The following MYNN variants were observed in gnomAD, a reference collection of about 807,000 sequenced individuals.
The protein encoded by MYNN is zinc finger and BTB domain-containing protein 31.
Under a neutral mutation model 57.2 loss-of-function variants are expected in MYNN, and 22 were observed. The observed-to-expected ratio is 0.38, with a 90% CI of 0.27 to 0.55. The LOEUF (loss-of-function observed/expected upper bound fraction) is 0.55, where lower values mean the gene tolerates loss of function less well. Ranked by LOEUF, MYNN falls within the 20% of genes least tolerant of loss-of-function variation. MYNN has a pLI of 0.71. For synonymous variants in MYNN, 241 were observed against 257.1 expected (o/e 0.94, Z 0.60); for missense variants, 566 against 723.1 (o/e 0.78, Z 2.49).
intron 2 of MYNN, chr3:169,777,546 C>T (rs775452536): frequency 3.9e-5 from 6 of 151,934 alleles, no homozygotes; most frequent in Non-Finnish European, 7.4e-5. Flanking sequence ...TTAGTGTTAA[C>T]ACCAACTCAA....
intron 4 of MYNN, among the ~76,000 whole-genome samples, chr3:169,781,013 T>G (rs2108204797): frequency 6.6e-6 from 1 of 152,290 alleles, no homozygotes; most frequent in South Asian, 2.1e-4. Flanking sequence ...TCATTCTGAC[T>G]GGTATAGGAT....
rs375360988 is a variant in MYNN, at chr3:169,779,546, G to A, written c.1045G>A (p.Val349Ile). 2 of 1,613,876 alleles carry A rather than the reference G, an allele frequency of 1.2e-6. No homozygotes were observed. Among genetic ancestry groups the A allele is most frequent in the African/African-American group, 1.3e-5 (1 of 75,018 alleles). The change falls in exon 3 of 8, where the codon GTA becomes ATA. Residue 349 changes from valine (V) to isoleucine (I), a missense_variant. Coordinates refer to ENST00000349841, the MANE Select transcript of MYNN (RefSeq NM_018657.5). Reference sequence around the variant, plus strand: ...CCAATGTAACCAGCTGAAAACGCATGTAAGAACTCATACAGGTGAGACGGG... The same window carrying A: ...CCAATGTAACCAGCTGAAAACGCATATAAGAACTCATACAGGTGAGACGGG... ...FTQCNQLKTH[V>I]RTHTGEKPYK...
chr3:169,783,805 T>G (rs533117102), intron 6 of MYNN: 496 of 550,122 alleles, frequency 9.0e-4, no homozygotes, highest in Non-Finnish European at 1.4e-3. Context: ...ATCAATAGTT[T>G]TTAAATGATT....
chr3:169,774,269 A>G lies in MYNN; in HGVS notation c.-27A>G. 2 of 1,604,960 alleles carry G rather than the reference A, an allele frequency of 1.2e-6. No homozygotes were observed. Among genetic ancestry groups the G allele is most frequent in the Non-Finnish European group, 1.7e-6 (2 of 1,173,574 alleles). On this transcript the variant is annotated 5_prime_UTR_variant, in exon 2 of 8. Coordinates refer to ENST00000349841, the MANE Select transcript of MYNN (RefSeq NM_018657.5). ...CTGTTTCTTTTTGTCTTTTAGATCA[A>G]GGGTAAAATTCCATTCTGATATCAA...
intron 2 of MYNN, 64 bp from the exon 3 acceptor site, chr3:169,778,704 G>A: frequency 7.7e-7 from 1 of 1,293,422 alleles, no homozygotes; most frequent in African/African-American, 1.5e-5. Flanking sequence ...AAGTATATAT[G>A]CAGCTCTGTT....
intron 2 of MYNN, chr3:169,777,201 C>T (rs1778374748): frequency 6.6e-6 from 1 of 152,104 alleles, no homozygotes; most frequent in South Asian, 2.1e-4. Context: ...TGAGGCAAAG[C>T]AAGTTTAATT....
Position 169,779,553 on chromosome 3 carries a change from C to G in MYNN, c.1052C>G (p.Thr351Ser), listed in dbSNP as rs939210887. Residue 351 changes from threonine (T) to serine (S), a missense_variant, in exon 3 of 8, where the codon ACT becomes AGT. By Grantham distance (58) the Thr-to-Ser change is moderately conservative (BLOSUM62 1). Transcript: ENST00000349841. ...AACCAGCTGAAAACGCATGTAAGAA[C>G]TCATACAGGTGAGACGGGTGTGTGG... ...QCNQLKTHVR[T>S]HTGEKPYKCE... is the part of the protein sequence containing the mutation. The G allele has an allele frequency of 6.2e-7, 1 of 1,613,580 alleles. No individual in the cohort carries two copies. Among genetic ancestry groups the G allele is most frequent in the Non-Finnish European group, 8.5e-7 (1 of 1,179,702 alleles).
chr3:169,784,492 T>C (rs1577401192), intron 6 of MYNN, 130 bp from the exon 7 acceptor site: 1 of 609,560 alleles, frequency 1.6e-6, no homozygotes, highest in Non-Finnish European at 2.9e-6. Flanking sequence ...ACCAGGTGAT[T>C]AAAGTGACAA....
chr3:169,782,756 A>G lies in MYNN; in HGVS notation c.1399+113A>G. 2.6e-6 allele frequency: 2 copies of G among 759,206 alleles called. No homozygotes were observed. Among genetic ancestry groups the G allele is most frequent in the Non-Finnish European group, 4.2e-6 (2 of 479,522 alleles). The allele number at this position is 759,206 out of a possible 1,614,324, so 47.0% of individuals were successfully genotyped here. ...ACTTTGTAGTTAGATATCTGTTTATATTTCTATAAGCTATGTTTATGATTT... is the reference window on the plus strand; with the variant it reads ...ACTTTGTAGTTAGATATCTGTTTATGTTTCTATAAGCTATGTTTATGATTT... On this transcript the variant is annotated intron_variant, in intron 5 of 7. Coordinates refer to ENST00000349841, the MANE Select transcript of MYNN (RefSeq NM_018657.5). This position sits in a 1 kb window ranked among gnomAD's most constrained non-coding sequence, Gnocchi z 4.8.
intron 3 of MYNN, chr3:169,780,117 G>C (rs2108203595): frequency 6.4e-6 from 1 of 156,442 alleles, no homozygotes; most frequent in Non-Finnish European, 1.4e-5. Context: ...GAGTACAGTG[G>C]TGCGATCTCG....
chr3:169,775,571 T>TGTCAA (rs1306771899), intron 2 of MYNN, among the ~76,000 whole-genome samples: 1 of 152,192 alleles, frequency 6.6e-6, no homozygotes, highest in Non-Finnish European at 1.5e-5. Flanking sequence ...TGGTAATAAC[T>TGTCAA]ACCTTGAGGC....
At position 169,774,423 on chromosome 3, in the gene MYNN, C is replaced by T; in HGVS notation, c.128C>T (p.Ala43Val). ...FQFKAHRNVL[A>V]SFSEYFGAIY... ...TTTAAAGCTCATAGGAATGTGCTGG[C>T]CTCCTTTAGTGAGTATTTTGGTGCG... The change falls in exon 2 of 8, where the codon GCC becomes GTC. Residue 43 changes from alanine to valine, a missense_variant. By Grantham distance (64) the Ala-to-Val change is moderately conservative. Transcript: ENST00000349841. The T allele has an allele frequency of 6.2e-7, 1 of 1,614,116 alleles. No individual in the cohort carries two copies. The highest frequency in any genetic ancestry group is 1.1e-5 in the South Asian group (1 of 91,086).
At position 169,788,259 on chromosome 3, in the gene MYNN, G is replaced by A. The variant is rs1293706143; in HGVS notation, c.*1581G>A. ...TAATAAATTGCCACTGGTGGGACATGGGACTGACTTATTTGAATAGAGTTT... is the reference window on the plus strand; with the variant it reads ...TAATAAATTGCCACTGGTGGGACATAGGACTGACTTATTTGAATAGAGTTT... On this transcript the variant is annotated 3_prime_UTR_variant, in exon 8 of 8. Transcript: ENST00000349841. 6.6e-6 allele frequency: 1 copy of A among 152,094 alleles called. No homozygotes were observed. Among genetic ancestry groups the A allele is most frequent in the Non-Finnish European group, 1.5e-5 (1 of 67,960 alleles). The allele number at this position is 152,094 out of a possible 1,614,324, so 9.4% of individuals were successfully genotyped here. A position where few individuals can be genotyped will look rare whatever the true frequency, so the allele number is the denominator to read the frequency against.
At position 169,780,674 on chromosome 3, in the gene MYNN, G is replaced by T; in HGVS notation, c.1145G>T (p.Gly382Val). The T allele has an allele frequency of 6.2e-7, 1 of 1,613,076 alleles. No individual in the cohort carries two copies. Among genetic ancestry groups the T allele is most frequent in the Non-Finnish European group, 8.5e-7 (1 of 1,179,650 alleles). Residue 382 changes from glycine to valine, a missense_variant, in exon 4 of 8, where the codon GGT becomes GTT. This residue lies in a region of MYNN where 123 missense variants were observed against 222.6 expected (regional missense o/e 0.55). Coordinates refer to ENST00000349841, the MANE Select transcript of MYNN (RefSeq NM_018657.5). ...QLVFHSRMHH[G>V]EEKPYKCDVC... ...GTCTTCCATAGTCGCATGCATCATG[G>T]TGAAGAAAAACCCTATAAATGTGAT... is the stretch of plus-strand genomic sequence containing the variant.
Position 169,788,535 on chromosome 3 carries a change from T to C in MYNN, c.*1857T>C, listed in dbSNP as rs185865824. 410 of 152,310 alleles carry C rather than the reference T, an allele frequency of 2.7e-3. 1 individual carries two copies. Among genetic ancestry groups the C allele is most frequent in the African/African-American group, 9.4e-3 (389 of 41,586 alleles). 9.4% of individuals were successfully genotyped at this position (152,310 alleles called of 1,614,324 possible). On this transcript the variant is annotated 3_prime_UTR_variant, in exon 8 of 8. Transcript: ENST00000349841. ...TATGTTTAATTTATTTATATCTTCG[T>C]TAATCCAAGCATCTAATGAACAAAA... is the stretch of plus-strand genomic sequence containing the variant.
intron 2 of MYNN, chr3:169,777,402 A>C (rs1254487120): frequency 6.6e-6 from 1 of 152,152 alleles, no homozygotes; most frequent in Non-Finnish European, 1.5e-5. Flanking sequence ...TACAACAGAG[A>C]GGGAAAGAGA....
At chr3:169,776,789 C>T (rs1444341590) in intron 2 of MYNN, among the ~76,000 whole-genome samples, 1 of 150,118 alleles carries the variant, frequency 6.7e-6, no homozygotes, top group Non-Finnish European at 1.5e-5. Flanking sequence ...CTGCAACCTC[C>T]ACCTCCCAGG....
rs1437975671 is a variant in MYNN, at chr3:169,788,293, A to G, written c.*1615A>G. 6.6e-6 allele frequency: 1 copy of G among 152,150 alleles called. No individual in the cohort carries two copies. Among genetic ancestry groups the G allele is most frequent in the Admixed American group, 6.5e-5 (1 of 15,278 alleles). 9.4% of individuals were successfully genotyped at this position (152,150 alleles called of 1,614,324 possible). A position where few individuals can be genotyped will look rare whatever the true frequency, so the allele number is the denominator to read the frequency against. On this transcript the variant is annotated 3_prime_UTR_variant, in exon 8 of 8. Coordinates refer to ENST00000349841, the MANE Select transcript of MYNN (RefSeq NM_018657.5). ...TTATTTGAATAGAGTTTGAAATACC[A>G]CCTTTGTATGATGCAAACAATATTT...
rs1253209104 is a variant in MYNN, at chr3:169,779,259, C to G, written c.758C>G (p.Thr253Ser). The G allele has an allele frequency of 1.2e-6, 2 of 1,614,166 alleles. No individual in the cohort carries two copies. The highest frequency in any genetic ancestry group is 1.7e-5 in the Admixed American group (1 of 60,022). The part of the protein sequence containing the change: ...NTFPAQDIVH[T>S]VTVKRKRGKS... ...TTTCCAGCACAAGATATTGTGCACACTGTTACAGTGAAACGGAAACGTGGA... is the reference window on the plus strand; with the variant it reads ...TTTCCAGCACAAGATATTGTGCACAGTGTTACAGTGAAACGGAAACGTGGA... Residue 253 changes from threonine to serine, a missense_variant, in exon 3 of 8, where the codon ACT becomes AGT. Physicochemically the swap from Thr to Ser is moderately conservative, Grantham distance 58 (BLOSUM62 1). This residue lies in a region of MYNN where 261 missense variants were observed against 280.8 expected (regional missense o/e 0.93). Coordinates refer to ENST00000349841, the MANE Select transcript of MYNN (RefSeq NM_018657.5).
Sources: allele counts gnomAD v4.1 joint callset (sites outside exome capture counted in the v4.1 genomes callset), GRCh38; gene constraint gnomAD v4.1.1; regional missense constraint gnomAD v4.1.1; non-coding constraint Gnocchi (gnomAD v3.1); transcripts MANE v1.5; gene names NCBI Gene and HGNC (gene_info 2026-07-23, HGNC 2026-07-21).